MAGI1: variants seen among roughly 807,000 people sequenced by gnomAD.
MAGI1 encodes membrane-associated guanylate kinase, WW and PDZ domain-containing protein 1.
A neutral mutation model predicts 139.9 loss-of-function variants in MAGI1; 58 were observed. The ratio of observed to expected loss-of-function variants is 0.41; its 90% confidence interval spans 0.34 to 0.52. MAGI1 has a LOEUF of 0.52. Ranked by LOEUF, MAGI1 falls within the 20% of genes least tolerant of loss-of-function variation. The probability of loss-of-function intolerance (pLI) is 0.12; values close to 1 mark genes in which losing one functional copy is unlikely to be tolerated. For missense variants in MAGI1, 1,874 were observed against 1,901.6 expected (o/e 0.99, Z 0.27); for synonymous variants, 812 against 737.9 (o/e 1.10, Z -1.63).
intron 12 of MAGI1, among the ~76,000 whole-genome samples, chr3:65,425,817 G>T (rs1947001599): frequency 6.6e-6 from 1 of 151,968 alleles, no homozygotes; most frequent in African/African-American, 2.4e-5. Context: ...TGACACAGAG[G>T]GGCACAGGTA....
Position 65,430,234 on chromosome 3 carries a change from A to C in MAGI1, c.1547-94T>G, listed in dbSNP as rs1947352940. ...CTCCCACTAACATAAAGCTGAACTG[A>C]AACTGCATGTGGGTGTGATACTATA... is the stretch of plus-strand genomic sequence containing the variant. On this transcript the variant is annotated intron_variant, in intron 11 of 22. Coordinates refer to ENST00000402939, the MANE Select transcript of MAGI1 (RefSeq NM_001033057.2). 10 of 1,266,074 alleles carry C rather than the reference A, an allele frequency of 7.9e-6. No individual in the cohort carries two copies. The South Asian group carries it at 1.4e-4, about 17-fold the overall frequency. 78.4% of individuals were successfully genotyped at this position (1,266,074 alleles called of 1,614,324 possible). A position where few individuals can be genotyped will look rare whatever the true frequency, so the allele number is the denominator to read the frequency against.
Position 65,530,624 on chromosome 3 carries a change from G to GGT in MAGI1, c.431-36995_431-36994dup, listed in dbSNP as rs57337916. On this transcript the variant is annotated intron_variant, in intron 2 of 22. Coordinates refer to ENST00000402939, the MANE Select transcript of MAGI1 (RefSeq NM_001033057.2). ...GCAAGACACATACGTATGTGTGTGTGGTGTGTGTGTGTGTGTGTGTGTGTG... is the reference window on the plus strand; with the variant it reads ...GCAAGACACATACGTATGTGTGTGTGGTGTGTGTGTGTGTGTGTGTGTGTGTG... 1.6e-3 allele frequency among the ~76,000 whole-genome samples: 201 copies of GGT among 129,278 alleles called. 10 individuals are homozygous for GGT. The highest frequency in any genetic ancestry group is 6.0e-3 in the African/African-American group (188 of 31,262). The allele number at this position is 129,278 out of a possible 152,430, so 84.8% of individuals were successfully genotyped here.
intron 14 of MAGI1, among the ~76,000 whole-genome samples, chr3:65,390,481 G>A (rs1246228023): frequency 6.6e-6 from 1 of 152,154 alleles, no homozygotes; most frequent in Admixed American, 6.5e-5. Flanking sequence ...ATTATTTATG[G>A]TGAATAGTTT....
rs551306086 is a variant in MAGI1, at chr3:65,402,840, C to A, written c.2168-1370G>T. Among the ~76,000 whole-genome samples the A allele has an allele frequency of 5.9e-5, 9 of 152,190 alleles. No homozygotes were observed. In the South Asian group the frequency reaches 1.9e-3, roughly 32 times the overall value. ...CATGAGGGCACTCTCTGGCAAGGTT[C>A]CTTGCATCACCAAAATGAGGTCACC... On this transcript the variant is annotated intron_variant, in intron 12 of 22. Coordinates refer to ENST00000402939, the MANE Select transcript of MAGI1 (RefSeq NM_001033057.2).
intron 2 of MAGI1, among the ~76,000 whole-genome samples, chr3:65,569,776 C>A (rs2080859064): frequency 6.6e-6 from 1 of 151,398 alleles, no homozygotes; most frequent in Non-Finnish European, 1.5e-5. Context: ...ACTTGGGGGG[C>A]TGATGGGAAG....
intron 12 of MAGI1, among the ~76,000 whole-genome samples, chr3:65,407,546 A>C (rs1308390793): frequency 6.6e-6 from 1 of 152,194 alleles, no homozygotes; most frequent in African/African-American, 2.4e-5. Context: ...GAAACCATTA[A>C]AAATGAGCAC....
At chr3:65,896,460 C>G (rs997375160) in intron 1 of MAGI1, among the ~76,000 whole-genome samples, 1 of 152,088 alleles carries the variant, frequency 6.6e-6, no homozygotes, top group African/African-American at 2.4e-5. Context: ...AAGAAAACTA[C>G]GAATCATGTG....
At chr3:65,797,272 A>G (rs2040208225) in intron 1 of MAGI1, among the ~76,000 whole-genome samples, 1 of 152,162 alleles carries the variant, frequency 6.6e-6, no homozygotes, top group Admixed American at 6.5e-5. Context: ...CTAGCCCAGT[A>G]AACATTAAGG....
chr3:65,569,463 A>G (rs1250141373), intron 2 of MAGI1, among the ~76,000 whole-genome samples: 4 of 152,238 alleles, frequency 2.6e-5, no homozygotes, highest in African/African-American at 9.6e-5. Context: ...ACTATAAAAA[A>G]GATTGAAAAA....
intron 1 of MAGI1, among the ~76,000 whole-genome samples, chr3:65,850,440 C>A (rs913616739): frequency 6.6e-6 from 1 of 152,096 alleles, no homozygotes; most frequent in African/African-American, 2.4e-5. Context: ...GGCTAGTCAT[C>A]CTAATGCAAA....
chr3:65,720,558 T>G (rs1322538042), intron 1 of MAGI1, among the ~76,000 whole-genome samples: 5 of 152,098 alleles, frequency 3.3e-5, no homozygotes, highest in Admixed American at 6.5e-5. Context: ...GAATGTTAGC[T>G]CACCATCACT....
At chr3:65,888,523 T>C (rs1415790476) in intron 1 of MAGI1, among the ~76,000 whole-genome samples, 1 of 152,018 alleles carries the variant, frequency 6.6e-6, no homozygotes, top group Non-Finnish European at 1.5e-5. Context: ...GTTAAGAAAA[T>C]AAAATTATAC....
intron 10 of MAGI1, among the ~76,000 whole-genome samples, chr3:65,434,332 C>CA (rs1483069396): frequency 1.4e-4 from 21 of 152,024 alleles, no homozygotes; most frequent in African/African-American, 5.1e-4. Flanking sequence ...AATAAGAGCT[C>CA]AATAAGTGAG....
At chr3:65,869,366 T>TG (rs752259446) in intron 1 of MAGI1, among the ~76,000 whole-genome samples, 1,196 of 81,784 alleles carry the variant, frequency 0.015, 17 homozygotes, top group African/African-American at 0.051. Flanking sequence ...AAGACTGGTT[T>TG]TTTGTTGTTG....
At chr3:65,903,042 A>AC (rs2061299703) in intron 1 of MAGI1, among the ~76,000 whole-genome samples, 1 of 152,084 alleles carries the variant, frequency 6.6e-6, no homozygotes, top group Non-Finnish European at 1.5e-5. Flanking sequence ...AAGTTAGAGT[A>AC]CACTGGCGCA....
intron 1 of MAGI1, among the ~76,000 whole-genome samples, chr3:65,651,757 T>C (rs1349645088): frequency 5.3e-5 from 8 of 152,126 alleles, no homozygotes; most frequent in Non-Finnish European, 1.2e-4. Flanking sequence ...TTTTGCATAT[T>C]TGAAAGCAAC....
chr3:65,715,369 G>A (rs1411408624), intron 1 of MAGI1, among the ~76,000 whole-genome samples: 1 of 151,952 alleles, frequency 6.6e-6, no homozygotes, highest in Non-Finnish European at 1.5e-5. Flanking sequence ...TTTTTGTTTT[G>A]GTTTTAGTAA....
intron 1 of MAGI1, among the ~76,000 whole-genome samples, chr3:65,817,151 T>C (rs2041657313): frequency 6.6e-6 from 1 of 152,198 alleles, no homozygotes. Context: ...ATTCCTTAAT[T>C]TGAACTACAT....
intron 1 of MAGI1, among the ~76,000 whole-genome samples, chr3:65,770,236 TCTC>T (rs1222377231): frequency 2.6e-5 from 4 of 152,160 alleles, no homozygotes; most frequent in Non-Finnish European, 5.9e-5. Flanking sequence ...CTCTATGACT[TCTC>T]CTAGTTCCAA....
Sources: allele counts gnomAD v4.1 joint callset (sites outside exome capture counted in the v4.1 genomes callset), GRCh38; gene constraint gnomAD v4.1.1; transcripts MANE v1.5; gene names NCBI Gene and HGNC (gene_info 2026-07-23, HGNC 2026-07-21).